The following WWOX variants were observed in gnomAD, a reference collection of about 807,000 sequenced individuals.
WWOX encodes WW domain containing oxidoreductase, also known as WW domain-containing oxidoreductase.
Under a neutral mutation model 46.2 loss-of-function variants are expected in WWOX, and 69 were observed. The ratio of observed to expected loss-of-function variants is 1.49; its 90% CI spans 1.23 to 1.82. The LOEUF is 1.82. Among genes scored for constraint, WWOX ranks in the 40% most tolerant of loss-of-function variants. The pLI is 0.00. For missense variants in WWOX, 919 were observed against 542.6 expected (o/e 1.69, Z -6.89); for synonymous variants, 359 against 202.6 (o/e 1.77, Z -6.56).
chr16:78,538,345 C>A (rs1106217), intron 8 of WWOX, among the ~76,000 whole-genome samples: 4 of 151,240 alleles, frequency 2.6e-5, no homozygotes, highest in African/African-American at 9.7e-5. Context: ...CGGCTGCCAG[C>A]GCTCTATACA....
At chr16:79,186,572 A>T (rs1289830597) in intron 8 of WWOX, among the ~76,000 whole-genome samples, 2 of 152,154 alleles carry the variant, frequency 1.3e-5, no homozygotes, top group Non-Finnish European at 2.9e-5. Flanking sequence ...TCTGTATTCC[A>T]ATCTAATTAC....
At chr16:78,153,607 G>A (rs756704250) in intron 4 of WWOX, among the ~76,000 whole-genome samples, 4 of 152,076 alleles carry the variant, frequency 2.6e-5, no homozygotes, top group African/African-American at 7.2e-5. Flanking sequence ...TTTGTGGGGC[G>A]GGGCTGGAGG....
intron 8 of WWOX, among the ~76,000 whole-genome samples, chr16:78,733,571 C>T (rs1056916519): frequency 2.0e-5 from 3 of 151,134 alleles, no homozygotes; most frequent in African/African-American, 7.3e-5. Flanking sequence ...CATGATGAAA[C>T]CCTATCTCTA....
At chr16:78,496,589 G>T (rs574846983) in intron 8 of WWOX, among the ~76,000 whole-genome samples, 4 of 152,330 alleles carry the variant, frequency 2.6e-5, no homozygotes, top group Non-Finnish European at 5.9e-5. Context: ...AAATGGATTT[G>T]TCCCATTACA....
At position 78,366,019 on chromosome 16, in the gene WWOX, A is replaced by G. The variant is rs577505609; in HGVS notation, c.517-20841A>G. On this transcript the variant is annotated intron_variant, in intron 5 of 8. Coordinates refer to ENST00000566780, the MANE Select transcript of WWOX (RefSeq NM_016373.4). ...AAGCTTCTTTTCCTAGATTCAGGAA[A>G]GTATCACTGGTTAATCAGGGAATAC... Among the ~76,000 whole-genome samples the G allele has an allele frequency of 3.9e-5, 6 of 152,330 alleles. No individual in the cohort carries two copies. In the South Asian group the frequency reaches 1.2e-3, roughly 32 times the overall value.
In WWOX at chr16:78,386,966, G is replaced by C; in HGVS notation, c.605+18G>C. 6.2e-7 allele frequency: 1 copy of C among 1,607,454 alleles called. No individual in the cohort carries two copies. The highest frequency in any genetic ancestry group is 8.5e-7 in the Non-Finnish European group (1 of 1,173,908). On this transcript the variant is annotated intron_variant, in intron 6 of 8. Transcript: ENST00000566780. ...AAGAATGTGTGAGTGTTCCAGTGGA[G>C]GGTTATAGATCATAATTTCTTGCTA...
intron 8 of WWOX, among the ~76,000 whole-genome samples, chr16:79,112,728 T>C (rs181214133): frequency 2.6e-5 from 4 of 152,182 alleles, no homozygotes; most frequent in Admixed American, 6.5e-5. Context: ...TTGCCTAGAA[T>C]ATAGAGTCGT....
At chr16:79,177,865 A>G (rs1020936981) in intron 8 of WWOX, among the ~76,000 whole-genome samples, 5 of 152,220 alleles carry the variant, frequency 3.3e-5, no homozygotes, top group African/African-American at 9.6e-5. Flanking sequence ...AACAGATACC[A>G]TAAACTAGGT....
chr16:79,095,969 C>T (rs1326331752), intron 8 of WWOX, among the ~76,000 whole-genome samples: 3 of 150,416 alleles, frequency 2.0e-5, no homozygotes, highest in Non-Finnish European at 4.4e-5. Flanking sequence ...CCCACCTCAG[C>T]CTCCCTAGTA....
intron 8 of WWOX, among the ~76,000 whole-genome samples, chr16:78,549,403 T>C (rs2044123732): frequency 6.6e-6 from 1 of 152,226 alleles, no homozygotes; most frequent in African/African-American, 2.4e-5. Flanking sequence ...AATATCACTT[T>C]TTTATATTAT....
chr16:78,614,848 A>G (rs2045982580), intron 8 of WWOX, among the ~76,000 whole-genome samples: 2 of 152,324 alleles, frequency 1.3e-5, no homozygotes, highest in Admixed American at 6.5e-5. Flanking sequence ...GGCTTGTTAC[A>G]TAGGTATACA....
chr16:79,168,214 A>C (rs1372815194), intron 8 of WWOX, among the ~76,000 whole-genome samples: 1 of 152,114 alleles, frequency 6.6e-6, no homozygotes, highest in Admixed American at 6.5e-5. Flanking sequence ...TTCTGTGTGG[A>C]CATGTTCTCA....
rs1182610465 is a variant in WWOX, at chr16:78,193,221, G to A, written c.516+28932G>A. Among the ~76,000 whole-genome samples, 68 of 152,228 alleles carry A rather than the reference G, an allele frequency of 4.5e-4. 2 individuals carry two copies. Among genetic ancestry groups the A allele is most frequent in the Admixed American group, 4.4e-3 (67 of 15,286 alleles). ...CCAAGACCAATGTATTCTGCCCACAGGAAAGTGAGGCAAAGGCAGGGAGGG... is the reference window on the plus strand; with the variant it reads ...CCAAGACCAATGTATTCTGCCCACAAGAAAGTGAGGCAAAGGCAGGGAGGG... On this transcript the variant is annotated intron_variant, in intron 5 of 8. Coordinates refer to ENST00000566780, the MANE Select transcript of WWOX (RefSeq NM_016373.4).
chr16:78,885,921 G>T (rs2044446145), intron 8 of WWOX, among the ~76,000 whole-genome samples: 1 of 131,570 alleles, frequency 7.6e-6, no homozygotes, highest in Non-Finnish European at 1.7e-5. Flanking sequence ...GGATGGGGAT[G>T]GAATTTTTTT....
At chr16:78,654,999 C>T (rs569597328) in intron 8 of WWOX, among the ~76,000 whole-genome samples, 2 of 152,112 alleles carry the variant, frequency 1.3e-5, no homozygotes, top group South Asian at 4.1e-4. Context: ...ATCCAAATGT[C>T]TGAGTTTACA....
At chr16:78,190,310 C>T (rs77139225) in intron 5 of WWOX, among the ~76,000 whole-genome samples, 17,876 of 152,146 alleles carry the variant, frequency 0.12, 1,356 homozygotes, top group South Asian at 0.28. Flanking sequence ...AGAAAGGTGA[C>T]GTCAATCTGA....
At chr16:78,624,020 T>C (rs977908706) in intron 8 of WWOX, among the ~76,000 whole-genome samples, 1 of 152,116 alleles carries the variant, frequency 6.6e-6, no homozygotes, top group African/African-American at 2.4e-5. Flanking sequence ...ACTTTATAGA[T>C]GAGGAAAGTA....
intron 8 of WWOX, among the ~76,000 whole-genome samples, chr16:78,968,667 A>G (rs781780511): frequency 2.0e-4 from 31 of 152,202 alleles, no homozygotes; most frequent in Non-Finnish European, 2.8e-4. Flanking sequence ...GGAGGCTGAT[A>G]TCGGGAGAGG....
intron 8 of WWOX, among the ~76,000 whole-genome samples, chr16:79,167,485 C>G (rs562634077): frequency 6.6e-6 from 1 of 152,132 alleles, no homozygotes; most frequent in Non-Finnish European, 1.5e-5. Context: ...AAGGAGCTGG[C>G]ATCTCTGGTG....
Sources: allele counts gnomAD v4.1 joint callset (sites outside exome capture counted in the v4.1 genomes callset), GRCh38; gene constraint gnomAD v4.1.1; transcripts MANE v1.5; gene names NCBI Gene and HGNC (gene_info 2026-07-23, HGNC 2026-07-21).